The following CROCC2 variants were observed in gnomAD, a reference collection of about 807,000 sequenced individuals.
The protein encoded by CROCC2 is ciliary rootlet coiled-coil protein 2.
In CROCC2, 163 loss-of-function variants were observed where a neutral mutation model predicts 177.6. That is an observed-to-expected ratio of 0.92 (90% CI 0.81 to 1.05). The LOEUF (loss-of-function observed/expected upper bound fraction) is 1.05. Ranked by LOEUF, CROCC2 falls within the 50% of genes least tolerant of loss-of-function variation. CROCC2 has a pLI of 0.00. For synonymous variants in CROCC2, 904 were observed against 787.3 expected (o/e 1.15, Z -2.48); for missense variants, 1,929 against 1,797.8 (o/e 1.07, Z -1.32).
chr2:240,928,221 G>A (rs1297321794), intron 5 of CROCC2, among the ~76,000 whole-genome samples: 3 of 152,110 alleles, frequency 2.0e-5, no homozygotes, highest in Admixed American at 1.3e-4. Context: ...GTTTTTATTT[G>A]TTTCTGATAG....
intron 1 of CROCC2, among the ~76,000 whole-genome samples, chr2:240,912,525 A>T (rs1180128819): frequency 2.0e-5 from 3 of 152,192 alleles, no homozygotes; most frequent in African/African-American, 7.2e-5. Context: ...CCGGAAGGAG[A>T]GGTGCCCAGG....
chr2:240,927,616 T>C (rs149498616), intron 5 of CROCC2, among the ~76,000 whole-genome samples: 1 of 152,356 alleles, frequency 6.6e-6, no homozygotes, highest in African/African-American at 2.4e-5. Flanking sequence ...GTTTGATTCT[T>C]TCCCAAATAT....
intron 15 of CROCC2, among the ~76,000 whole-genome samples, chr2:240,948,497 CTTTG>C (rs1223228445): frequency 6.6e-6 from 1 of 152,204 alleles, no homozygotes; most frequent in East Asian, 1.9e-4. Flanking sequence ...TAATGCCTTG[CTTTG>C]TTCACGGATA....
chr2:240,989,047 C>A (rs1386417836), intron 29 of CROCC2, among the ~76,000 whole-genome samples, 177 bp downstream of exon 29: 1 of 152,142 alleles, frequency 6.6e-6, no homozygotes, highest in Non-Finnish European at 1.5e-5. Context: ...CAGACCAAGG[C>A]CCCAGGCAGA....
rs1325563394 is a variant in CROCC2 at position 240,930,169 on chromosome 2, C to G, written c.649C>G (p.Arg217Gly). 1 of 546,906 alleles carries G rather than the reference C, an allele frequency of 1.8e-6. No individual in the cohort carries two copies. Among genetic ancestry groups the G allele is most frequent in the Non-Finnish European group, 3.3e-6 (1 of 299,842 alleles). 33.9% of individuals were successfully genotyped at this position (546,906 alleles called of 1,614,324 possible). ...ELRRWAQRQT[R>G]SGGLGQPRDL... Reference sequence around the variant, plus strand: ...ACAGGAGGCCTCTTGCTTTCAGACCCGGTCAGGGGGCCTGGGGCAGCCCCG... The same window carrying G: ...ACAGGAGGCCTCTTGCTTTCAGACCGGGTCAGGGGGCCTGGGGCAGCCCCG... The change falls in exon 6 of 32, where the codon CGG (arginine) becomes GGG (glycine). Residue 217 changes from arginine to glycine, a missense_variant. Coordinates refer to ENST00000690015, the MANE Select transcript of CROCC2 (RefSeq NM_001351305.2).
At chr2:240,939,571 T>A (rs1362688197) in intron 14 of CROCC2, among the ~76,000 whole-genome samples, 1 of 152,156 alleles carries the variant, frequency 6.6e-6, no homozygotes, top group Non-Finnish European at 1.5e-5. Flanking sequence ...ATTACTTATT[T>A]CTTAAATGTT....
chr2:240,964,383 C>G, intron 21 of CROCC2, 83 bp from the exon 22 acceptor site: 2 of 1,503,374 alleles, frequency 1.3e-6, no homozygotes, highest in Non-Finnish European at 1.8e-6. Context: ...CAGTGCCTCA[C>G]TAGGGGAGGC....
intron 14 of CROCC2, among the ~76,000 whole-genome samples, chr2:240,943,425 T>C (rs1335822315): frequency 7.2e-5 from 11 of 152,096 alleles, no homozygotes; most frequent in Non-Finnish European, 1.2e-4. Flanking sequence ...GTTATATCTC[T>C]TCAATCTCAT....
Position 240,906,425 on chromosome 2 carries a change from C to T in CROCC2, c.-89C>T, listed in dbSNP as rs913679243. 51 of 398,470 alleles carry T rather than the reference C, an allele frequency of 1.3e-4. No homozygotes were observed. The highest frequency in any genetic ancestry group is 4.4e-5 in the Admixed American group (1 of 22,700). 24.7% of individuals were successfully genotyped at this position (398,470 alleles called of 1,614,324 possible). A position where few individuals can be genotyped will look rare whatever the true frequency, so the allele number is the denominator to read the frequency against. On this transcript the variant is annotated 5_prime_UTR_variant, in exon 1 of 32. Coordinates refer to ENST00000690015, the MANE Select transcript of CROCC2 (RefSeq NM_001351305.2). ...CCAGGTGCCACACAGGTGTGGGGCC[C>T]GTGGACCAAGGAAGACCCTGGCCAG...
At chr2:240,991,488 C>G (rs1229606596) in intron 31 of CROCC2, among the ~76,000 whole-genome samples, 2 of 152,234 alleles carry the variant, frequency 1.3e-5, no homozygotes, top group Non-Finnish European at 2.9e-5. Context: ...AGGCAGCCAC[C>G]GCCCGGGCCA....
chr2:240,989,079 T>G (rs2059860446), intron 29 of CROCC2, among the ~76,000 whole-genome samples: 1 of 152,032 alleles, frequency 6.6e-6, no homozygotes, highest in Non-Finnish European at 1.5e-5. Context: ...GACCCAAGGC[T>G]CCTGCCCTTC....
At chr2:240,929,432 C>T (rs145257633) in intron 5 of CROCC2, among the ~76,000 whole-genome samples, 6 of 152,202 alleles carry the variant, frequency 3.9e-5, no homozygotes, top group Non-Finnish European at 8.8e-5. Context: ...GGTGTGGAGA[C>T]TCTGAGACTT....
chr2:240,931,203 T>G (rs748917062), intron 7 of CROCC2, 75 bp downstream of exon 7: 40 of 640,848 alleles, frequency 6.2e-5, no homozygotes, highest in Non-Finnish European at 1.1e-4. Context: ...GCCGAGCAGC[T>G]GTGGATCCCA....
intron 20 of CROCC2, among the ~76,000 whole-genome samples, chr2:240,961,791 G>A (rs62649994): frequency 3.7e-4 from 11 of 29,844 alleles, no homozygotes; most frequent in African/African-American, 1.5e-3. Flanking sequence ...TCACACACAC[G>A]CACTCACACA....
At chr2:240,929,445 G>A (rs539198119) in intron 5 of CROCC2, among the ~76,000 whole-genome samples, 83 of 152,164 alleles carry the variant, frequency 5.5e-4, no homozygotes, top group South Asian at 1.9e-3. Flanking sequence ...TGAGACTTCT[G>A]GCTTTCATCT....
At chr2:240,974,734 G>A (rs1320977310) in intron 27 of CROCC2, among the ~76,000 whole-genome samples, 1 of 151,798 alleles carries the variant, frequency 6.6e-6, no homozygotes, top group African/African-American at 2.4e-5. Context: ...GTTTATGCTT[G>A]GGCTTTCTCT....
intron 15 of CROCC2, 143 bp from the exon 16 acceptor site, chr2:240,948,834 CAG>C: frequency 1.3e-6 from 1 of 760,810 alleles, no homozygotes; most frequent in Non-Finnish European, 2.2e-6. Flanking sequence ...CATGGTGCTC[CAG>C]AGATGCACCA....
chr2:240,933,747 T>C lies in CROCC2; in HGVS notation c.1541T>C (p.Leu514Pro). 1.3e-6 allele frequency: 2 copies of C among 1,550,056 alleles called. No homozygotes were observed. Among genetic ancestry groups the C allele is most frequent in the Non-Finnish European group, 1.7e-6 (2 of 1,146,848 alleles). ...GCTGCAGATGCGGAGAAGCAGGGGC[T>C]GGAGGCCGAGGCTGCAGAGCTGCAG... ...ADAADAEKQG[L>P]EAEAAELQRS... The change falls in exon 11 of 32, where the codon CTG becomes CCG. Residue 514 changes from leucine (L) to proline (P), a missense_variant. By Grantham distance (98) the Leu-to-Pro change is moderately conservative. Transcript: ENST00000690015.
intron 1 of CROCC2, among the ~76,000 whole-genome samples, chr2:240,911,704 T>C (rs1398840908): frequency 6.6e-6 from 1 of 151,922 alleles, no homozygotes; most frequent in African/African-American, 2.4e-5. Flanking sequence ...TCTATGAACT[T>C]GGTGACTCTA....
Sources: allele counts gnomAD v4.1 joint callset (sites outside exome capture counted in the v4.1 genomes callset), GRCh38; gene constraint gnomAD v4.1.1; transcripts MANE v1.5; gene names NCBI Gene and HGNC (gene_info 2026-07-23, HGNC 2026-07-21).